OTULINL: variants seen among roughly 807,000 people sequenced by gnomAD.
OTULINL encodes the protein inactive ubiquitin thioesterase OTULINL.
Under a neutral mutation model 43.9 loss-of-function variants are expected in OTULINL, and 42 were observed. The observed-to-expected ratio is 0.96, with a 90% CI of 0.75 to 1.24. The LOEUF is 1.24. OTULINL is among the 50% of genes most tolerant of loss of function. The pLI is 0.00. For missense variants in OTULINL, 411 were observed against 426.4 expected (o/e 0.96, Z 0.32); for synonymous variants, 172 against 153.6 (o/e 1.12, Z -0.88).
chr5:14,596,983 T>G (rs1759298441), intron 1 of OTULINL, among the ~76,000 whole-genome samples: 1 of 152,146 alleles, frequency 6.6e-6, no homozygotes, highest in South Asian at 2.1e-4. Flanking sequence ...TTCCAACACA[T>G]AAAACTAACA....
Position 14,614,648 on chromosome 5 carries a change from A to G in OTULINL, c.*4334A>G, listed in dbSNP as rs1759640851. 1 of 398,650 alleles carries G rather than the reference A, an allele frequency of 2.5e-6. No homozygotes were observed. The highest frequency in any genetic ancestry group is 2.1e-5 in the African/African-American group (1 of 48,756). The allele number at this position is 398,650 out of a possible 1,614,324, so 24.7% of individuals were successfully genotyped here. A position where few individuals can be genotyped will look rare whatever the true frequency, so the allele number is the denominator to read the frequency against. On this transcript the variant is annotated 3_prime_UTR_variant, in exon 8 of 8. Coordinates refer to ENST00000274217, the MANE Select transcript of OTULINL (RefSeq NM_019018.3). ...CCACGTATGGTCTGGAGTGCTCTGT[A>G]GAACAGCCCGAAGTGTACACCATGT...
At chr5:14,589,502 G>A (rs956522569) in intron 1 of OTULINL, among the ~76,000 whole-genome samples, 6 of 152,170 alleles carry the variant, frequency 3.9e-5, no homozygotes, top group South Asian at 2.1e-4. Flanking sequence ...GGGACTGGGC[G>A]TGGGTGACCA....
At position 14,585,336 on chromosome 5, in the gene OTULINL, A is replaced by G. The variant is rs572388112; in HGVS notation, c.64+3378A>G. 2.4e-5 allele frequency among the ~76,000 whole-genome samples: 3 copies of G among 123,462 alleles called. No individual in the cohort carries two copies. In the South Asian group the frequency reaches 6.8e-4, roughly 28 times the overall value. 81.0% of individuals were successfully genotyped at this position (123,462 alleles called of 152,430 possible). ...GAATGCTTAAAACCAAATGGTCCAT[A>G]GTTGATTTTGTTGTTGTTGTTTTGC... is the stretch of plus-strand genomic sequence containing the variant. On this transcript the variant is annotated intron_variant, in intron 1 of 7. Transcript: ENST00000274217.
intron 6 of OTULINL, among the ~76,000 whole-genome samples, chr5:14,608,159 G>T (rs902677050): frequency 6.6e-6 from 1 of 152,130 alleles, no homozygotes; most frequent in Admixed American, 6.5e-5. Flanking sequence ...TAACTAGTAG[G>T]TGATACTTTT....
intron 1 of OTULINL, among the ~76,000 whole-genome samples, chr5:14,583,908 A>G (rs1198703892): frequency 6.6e-6 from 1 of 151,854 alleles, no homozygotes; most frequent in African/African-American, 2.4e-5. Flanking sequence ...TTTTTGTTTG[A>G]TTTTTACTAT....
chr5:14,588,851 T>G (rs1759151175), intron 1 of OTULINL, among the ~76,000 whole-genome samples: 1 of 152,124 alleles, frequency 6.6e-6, no homozygotes, highest in Admixed American at 6.5e-5. Flanking sequence ...AGTTGCACAT[T>G]CAACAACTTC....
chr5:14,593,596 CA>C (rs1759239666), intron 1 of OTULINL, among the ~76,000 whole-genome samples: 1 of 152,156 alleles, frequency 6.6e-6, no homozygotes, highest in Non-Finnish European at 1.5e-5. Context: ...TAGCCTATCC[CA>C]TCTATAGCTT....
intron 5 of OTULINL, 97 bp from the exon 6 acceptor site, chr5:14,607,230 GAAA>G: frequency 1.9e-6 from 2 of 1,079,356 alleles, no homozygotes; most frequent in Non-Finnish European, 2.5e-6. Flanking sequence ...ATTCCATCTC[GAAA>G]AAAAAAAAGA....
intron 1 of OTULINL, among the ~76,000 whole-genome samples, chr5:14,588,966 G>A (rs1258727151): frequency 6.6e-6 from 1 of 152,148 alleles, no homozygotes; most frequent in Non-Finnish European, 1.5e-5. Flanking sequence ...GCTTAATCTC[G>A]ATGGGAGGAG....
intron 1 of OTULINL, among the ~76,000 whole-genome samples, chr5:14,594,885 A>G (rs1364437224): frequency 1.3e-5 from 2 of 151,858 alleles, no homozygotes. Context: ...CTTGCCACAG[A>G]GTGTCCTTTC....
intron 6 of OTULINL, 117 bp from the exon 7 acceptor site, chr5:14,608,631 A>T: frequency 1.2e-6 from 1 of 860,652 alleles, no homozygotes; most frequent in Non-Finnish European, 1.7e-6. Context: ...GTGAAGAGTT[A>T]AAGTTCCACT....
chr5:14,607,659 C>T (rs577022343), intron 6 of OTULINL, among the ~76,000 whole-genome samples: 54 of 152,294 alleles, frequency 3.5e-4, no homozygotes, highest in African/African-American at 1.3e-3. Flanking sequence ...TTGTTCTACA[C>T]GATAATTAGG....
chr5:14,608,718 T>G, intron 6 of OTULINL, 30 bp from the exon 7 acceptor site: 2 of 1,558,696 alleles, frequency 1.3e-6, no homozygotes, highest in East Asian at 4.5e-5. Context: ...CCTTTATCCT[T>G]CTGAATTTCA....
At chr5:14,609,869 C>T (rs1270163994) in intron 7 of OTULINL, among the ~76,000 whole-genome samples, 1 of 152,174 alleles carries the variant, frequency 6.6e-6, no homozygotes, top group Non-Finnish European at 1.5e-5. Context: ...CCGCCCGCCT[C>T]GGCCTCCCAA....
chr5:14,616,005 C>T lies in OTULINL; in HGVS notation c.*5691C>T, dbSNP rs1390469593. Among the ~76,000 whole-genome samples the T allele has an allele frequency of 6.6e-6, 1 of 152,148 alleles. No homozygotes were observed. Among genetic ancestry groups the T allele is most frequent in the East Asian group, 1.9e-4 (1 of 5,200 alleles). ...GTAAAACAGTGCTTTTTAAACTATC[C>T]ATGGTAAAGGATGAGTTTTAAAAAT... On this transcript the variant is annotated 3_prime_UTR_variant, in exon 8 of 8. Coordinates refer to ENST00000274217, the MANE Select transcript of OTULINL (RefSeq NM_019018.3).
At chr5:14,599,904 GT>G (rs1459640655) in intron 1 of OTULINL, among the ~76,000 whole-genome samples, 2 of 152,192 alleles carry the variant, frequency 1.3e-5, no homozygotes, top group Non-Finnish European at 2.9e-5. Context: ...CTCCTTTTAA[GT>G]GGTCTACTTT....
rs1301901080 is a variant in OTULINL, at chr5:14,601,355, C to CTG, written c.261_262insTG (p.Leu88CysfsTer27). ...TTTATTTTTTATTTGGTCCAGGGAA[C>CTG]CTCAGTGTGGAGGCAGAGGTTGATT... On this transcript the variant is annotated frameshift_variant, in exon 4 of 8. Coordinates refer to ENST00000274217, the MANE Select transcript of OTULINL (RefSeq NM_019018.3). LOFTEE classifies it high-confidence loss of function. 6.2e-7 allele frequency: 1 copy of CTG among 1,613,804 alleles called. No individual in the cohort carries two copies. The highest frequency in any genetic ancestry group is 8.5e-7 in the Non-Finnish European group (1 of 1,179,976).
chr5:14,608,640 C>G (rs962696695), intron 6 of OTULINL, 108 bp from the exon 7 acceptor site: 3 of 966,822 alleles, frequency 3.1e-6, no homozygotes, highest in Admixed American at 5.8e-5. Context: ...TAAAGTTCCA[C>G]TTTTTTCTAT....
In OTULINL at chr5:14,615,595, G is replaced by A. The variant is rs183113226; in HGVS notation, c.*5281G>A. Among the ~76,000 whole-genome samples the A allele has an allele frequency of 2.0e-5, 3 of 152,136 alleles. No individual in the cohort carries two copies. Among genetic ancestry groups the A allele is most frequent in the Non-Finnish European group, 2.9e-5 (2 of 68,026 alleles). On this transcript the variant is annotated 3_prime_UTR_variant, in exon 8 of 8. Transcript: ENST00000274217. The stretch of plus-strand genomic sequence containing the variant: ...ACGCCTGGTGAAAATGGTGTTTGTT[G>A]TAACATCTTGGTATCATTGTGGGTA...
Sources: gnomAD v4.1 joint callset for allele counts (sites outside exome capture counted in the v4.1 genomes callset) on GRCh38, gnomAD v4.1.1 for gene constraint, MANE v1.5 for transcripts, NCBI Gene and HGNC (gene_info 2026-07-23, HGNC 2026-07-21) for gene names.